The following KIAA0753 variants were observed in gnomAD, a reference collection of about 807,000 sequenced individuals.
The protein encoded by KIAA0753 is protein moonraker.
A neutral mutation model predicts 116.9 loss-of-function variants in KIAA0753; 114 were observed. The ratio of observed to expected loss-of-function variants is 0.98; its 90% CI spans 0.84 to 1.14. The LOEUF is 1.14. KIAA0753 is among the 50% of genes most tolerant of loss of function. The probability of loss-of-function intolerance (pLI) is 0.00; values close to 1 mark genes in which losing one functional copy is unlikely to be tolerated. For missense variants in KIAA0753, 1,156 were observed against 1,172.4 expected, an observed-to-expected ratio of 0.99 and a Z score of 0.20; for synonymous variants, 405 against 413.1, an observed-to-expected ratio of 0.98 and a Z score of 0.24.
intron 7 of KIAA0753, among the ~76,000 whole-genome samples, chr17:6,617,714 A>C (rs1971023168): frequency 6.6e-6 from 1 of 152,158 alleles, no homozygotes; most frequent in African/African-American, 2.4e-5. Flanking sequence ...AGAAGCTTGG[A>C]ACTCCCACTC....
chr17:6,635,273 C>T, intron 1 of KIAA0753, 102 bp from the exon 2 acceptor site: 1 of 491,540 alleles, frequency 2.0e-6, no homozygotes, highest in East Asian at 2.9e-5. Context: ...TAGAAGTAGC[C>T]AATAGTAACC....
At chr17:6,605,409 C>T (rs1251139432) in intron 12 of KIAA0753, among the ~76,000 whole-genome samples, 1 of 152,160 alleles carries the variant, frequency 6.6e-6, no homozygotes, top group Non-Finnish European at 1.5e-5. Flanking sequence ...AGATGGAGGA[C>T]GCCCTGTGTG....
At chr17:6,624,408 G>A (rs1429026901) in intron 4 of KIAA0753, among the ~76,000 whole-genome samples, 1 of 152,094 alleles carries the variant, frequency 6.6e-6, no homozygotes, top group Non-Finnish European at 1.5e-5. Context: ...TGATCCACCT[G>A]ACTTCCCATG....
intron 9 of KIAA0753, among the ~76,000 whole-genome samples, chr17:6,609,044 T>C (rs909209539): frequency 6.6e-6 from 1 of 152,246 alleles, no homozygotes; most frequent in Non-Finnish European, 1.5e-5. Flanking sequence ...GACCTGATTT[T>C]AGGTCTGGCT....
chr17:6,599,504 T>C (rs963014778), intron 13 of KIAA0753, among the ~76,000 whole-genome samples, 184 bp from the exon 14 acceptor site: 3 of 151,942 alleles, frequency 2.0e-5, no homozygotes, highest in African/African-American at 7.3e-5. Context: ...TGATCTTGGC[T>C]TTCCAGCCTT....
intron 12 of KIAA0753, among the ~76,000 whole-genome samples, chr17:6,603,595 G>C (rs1970008932): frequency 6.6e-6 from 1 of 152,146 alleles, no homozygotes; most frequent in South Asian, 2.1e-4. Context: ...AACATAAGAG[G>C]ACTCGGAGAG....
At chr17:6,630,394 T>C (rs2150913783) in intron 2 of KIAA0753, among the ~76,000 whole-genome samples, 1 of 152,080 alleles carries the variant, frequency 6.6e-6, no homozygotes, top group South Asian at 2.1e-4. Context: ...TCATGCAAAT[T>C]GGCATAATTC....
At chr17:6,618,033 C>T (rs183384022) in intron 7 of KIAA0753, among the ~76,000 whole-genome samples, 42 of 152,008 alleles carry the variant, frequency 2.8e-4, no homozygotes, top group Middle Eastern at 6.8e-3. Context: ...ACCTGGGAGG[C>T]GGAGGTTGCA....
At chr17:6,612,951 GATAGAGA>G (rs1166116476) in intron 7 of KIAA0753, among the ~76,000 whole-genome samples, 3 of 152,116 alleles carry the variant, frequency 2.0e-5, no homozygotes, top group Non-Finnish European at 4.4e-5. Context: ...GTCCTAATTT[GATAGAGA>G]ATAAAGTCTG....
chr17:6,620,978 T>A lies in KIAA0753; in HGVS notation c.1125A>T (p.Glu375Asp), dbSNP rs9889363. Residue 375 changes from glutamate (E) to aspartate (D), a missense_variant, in exon 7 of 19, where the codon GAA (glutamate) becomes GAT (aspartate). Transcript: ENST00000361413. ...QQIEALESLLEKKLSPKKVKK... is the reference protein window; with the variant it reads ...QQIEALESLLDKKLSPKKVKK... ...TCACCTTTTTTGGTGACAGTTTCTT[T>A]TCCAGGAGAGATTCCAAAGCCTGCC... 0.37 allele frequency: 592,884 copies of A among 1,612,338 alleles called. 111,240 individuals are homozygous for A. Among genetic ancestry groups the A allele is most frequent in the Admixed American group, 0.46 (27,581 of 59,978 alleles).
In KIAA0753 at chr17:6,623,000, A is replaced by C. The variant is rs756681577; in HGVS notation, c.986T>G (p.Leu329Arg). ...GCCCAGTTCCTTACACCGAGCAGGA[A>C]GTGGATGCTCCCCTCGGTCAGTAAA... is the stretch of plus-strand genomic sequence containing the variant. ...TQFTDRGEHP[L>R]PARCKELGSL... The change falls in exon 6 of 19, where the codon CTT becomes CGT. Residue 329 changes from leucine (L) to arginine (R), a missense_variant. By Grantham distance (102) the Leu-to-Arg change is moderately radical. Transcript: ENST00000361413. 2 of 1,614,210 alleles carry C rather than the reference A, an allele frequency of 1.2e-6. No homozygotes were observed. The highest frequency in any genetic ancestry group is 1.7e-6 in the Non-Finnish European group (2 of 1,180,024).
At position 6,623,051 on chromosome 17, in the gene KIAA0753, C is replaced by T. The variant is rs1362096118; in HGVS notation, c.935G>A (p.Arg312Gln). 9.3e-6 allele frequency: 15 copies of T among 1,613,938 alleles called. No individual in the cohort carries two copies. The highest frequency in any genetic ancestry group is 2.2e-5 in the South Asian group (2 of 91,076). ...KLAAAHRGAI[R>Q]ALQMFVTQFT... ...CTGAGTGACAAACATCTGTAAGGCC[C>T]GAATGGCTCCTCGATGGGCAGCCGC... Residue 312 changes from arginine to glutamine, a missense_variant, in exon 6 of 19, where the codon CGG becomes CAG. Arg to Gln is a conservative substitution (Grantham distance 43, BLOSUM62 1). Transcript: ENST00000361413.
In KIAA0753 at chr17:6,600,373, A is replaced by T. The variant is rs376248433; in HGVS notation, c.2088+7T>A. 1.5e-4 allele frequency: 234 copies of T among 1,610,818 alleles called. No individual in the cohort carries two copies. Among genetic ancestry groups the T allele is most frequent in the Non-Finnish European group, 1.8e-4 (217 of 1,177,206 alleles). On this transcript the variant is annotated splice_region_variant and intron_variant, in intron 13 of 18. Coordinates refer to ENST00000361413, the MANE Select transcript of KIAA0753 (RefSeq NM_014804.3). ...AGCAAGCAAATGAAACGAACTAGAT[A>T]GATTACCTGGGCCTTGACCAAGAGA...
At chr17:6,624,166 CAACA>C (rs1388002822) in intron 4 of KIAA0753, among the ~76,000 whole-genome samples, 3 of 152,140 alleles carry the variant, frequency 2.0e-5, no homozygotes, top group Non-Finnish European at 2.9e-5. Context: ...ATGAAAGTCA[CAACA>C]AACACTTTTT....
At chr17:6,633,111 C>T (rs1597607402) in intron 2 of KIAA0753, among the ~76,000 whole-genome samples, 1 of 152,184 alleles carries the variant, frequency 6.6e-6, no homozygotes, top group Admixed American at 6.5e-5. Context: ...GAAAAAAATA[C>T]TTAGAGGTAA....
intron 1 of KIAA0753, chr17:6,638,227 G>A (rs1271077237): frequency 6.6e-6 from 1 of 151,740 alleles, no homozygotes; most frequent in Admixed American, 6.6e-5. Context: ...TGAAGCCACG[G>A]ATTCCTCCCC....
intron 8 of KIAA0753, 43 bp from the exon 9 acceptor site, chr17:6,610,203 A>C (rs746145843): frequency 5.6e-6 from 9 of 1,595,694 alleles, no homozygotes; most frequent in Admixed American, 3.4e-5. Context: ...ACAAATACCA[A>C]AGAAACTATG....
intron 12 of KIAA0753, among the ~76,000 whole-genome samples, chr17:6,605,591 GCCTGTTTCTCAGTTTTCA>G (rs1258452390): frequency 6.6e-6 from 1 of 152,156 alleles, no homozygotes; most frequent in African/African-American, 2.4e-5. Context: ...CTAGATTTGT[GCCTGTTTCTCAGTTTTCA>G]AAATTAAACA....
intron 12 of KIAA0753, among the ~76,000 whole-genome samples, chr17:6,604,629 T>C (rs1426762202): frequency 6.6e-6 from 1 of 151,878 alleles, no homozygotes; most frequent in African/African-American, 2.4e-5. Flanking sequence ...TGCCAGGAGA[T>C]ATTTAGCCAA....
Sources: gnomAD v4.1 joint callset for allele counts (sites outside exome capture counted in the v4.1 genomes callset) on GRCh38, gnomAD v4.1.1 for gene constraint, MANE v1.5 for transcripts, NCBI Gene and HGNC (gene_info 2026-07-23, HGNC 2026-07-21) for gene names.